The following FGF14 variants were observed in gnomAD, a reference collection of about 807,000 sequenced individuals.
The protein encoded by FGF14 is fibroblast growth factor homologous factor 4.
In FGF14, 5 loss-of-function variants were observed where a neutral mutation model predicts 25.5. The observed-to-expected ratio is 0.20, with a 90% confidence interval of 0.10 to 0.41. The LOEUF (loss-of-function observed/expected upper bound fraction) is 0.41, where lower values mean the gene tolerates loss of function less well. Ranked by LOEUF, FGF14 falls within the 10% of genes least tolerant of loss-of-function variation. FGF14 has a pLI of 1.00. For synonymous variants in FGF14, 138 were observed against 118.3 expected (o/e 1.17, Z -1.08); for missense variants, 222 against 320.1 (o/e 0.69, Z 2.34).
chr13:101,857,065 AT>A (rs1202578343), intron 3 of FGF14, among the ~76,000 whole-genome samples: 1 of 152,016 alleles, frequency 6.6e-6, no homozygotes, highest in Non-Finnish European at 1.5e-5. Flanking sequence ...CACACAGTTA[AT>A]TTATTTCATA....
Position 102,010,744 on chromosome 13 carries a change from C to T in FGF14, c.209-135448G>A, listed in dbSNP as rs566294999. ...AAATGAAGATGATAATAATGCTTTC[C>T]TGCCCAGATTACTGTATTTTAGATA... On this transcript the variant is annotated intron_variant, in intron 1 of 4. Transcript: ENST00000376131. Among the ~76,000 whole-genome samples, 9 of 152,278 alleles carry T rather than the reference C, an allele frequency of 5.9e-5. 1 individual carries two copies. The South Asian group carries it at 1.7e-3, about 28-fold the overall frequency.
intron 1 of FGF14, among the ~76,000 whole-genome samples, chr13:102,260,904 G>A (rs575782577): frequency 9.9e-5 from 15 of 152,246 alleles, no homozygotes; most frequent in Non-Finnish European, 4.4e-5. Context: ...ACTTGCCAGC[G>A]CCTTTCCTAA....
At chr13:101,995,678 T>C (rs1019377378) in intron 1 of FGF14, among the ~76,000 whole-genome samples, 1 of 152,226 alleles carries the variant, frequency 6.6e-6, no homozygotes, top group African/African-American at 2.4e-5. Context: ...GCGAAGCTAC[T>C]GTGCCACAGA....
chr13:101,876,159 T>C (rs1265309211), intron 1 of FGF14, among the ~76,000 whole-genome samples: 1 of 152,178 alleles, frequency 6.6e-6, no homozygotes, highest in Non-Finnish European at 1.5e-5. Context: ...GATGATTCAT[T>C]GAAAAGACAT....
At chr13:101,747,681 G>T (rs1010589246) in intron 3 of FGF14, among the ~76,000 whole-genome samples, 1 of 151,820 alleles carries the variant, frequency 6.6e-6, no homozygotes. Flanking sequence ...TGGCTACAGA[G>T]GGAACAAACC....
At chr13:101,744,191 A>AT (rs1372681510) in intron 3 of FGF14, among the ~76,000 whole-genome samples, 1 of 152,048 alleles carries the variant, frequency 6.6e-6, no homozygotes, top group Non-Finnish European at 1.5e-5. Flanking sequence ...CTTGTGGGTG[A>AT]TTTTTTTATT....
At chr13:101,809,039 G>A (rs553809085) in intron 3 of FGF14, among the ~76,000 whole-genome samples, 7 of 151,990 alleles carry the variant, frequency 4.6e-5, no homozygotes, top group East Asian at 3.9e-4. Flanking sequence ...TCAAATCTCC[G>A]GGAGTTCTTG....
At chr13:102,352,242 TACACACACACAC>T (rs56774921) in intron 1 of FGF14, among the ~76,000 whole-genome samples, 1,589 of 137,348 alleles carry the variant, frequency 0.012, 13 homozygotes, top group African/African-American at 0.024. Flanking sequence ...TGTACCTTTA[TACACACACACAC>T]ACACACACAC....
Position 101,886,495 on chromosome 13 carries a change from C to CA in FGF14, c.194-11200dup, listed in dbSNP as rs146725699. Among the ~76,000 whole-genome samples the CA allele has an allele frequency of 8.3e-3, 1,260 of 152,172 alleles. 15 individuals are homozygous for CA. The highest frequency in any genetic ancestry group is 0.029 in the African/African-American group (1,186 of 41,522). ...GCTAGGAAGACTGGATATCCATATG[C>CA]AAAACCATAGATCCCCATCTCTCAC... On this transcript the variant is annotated intron_variant, in intron 1 of 4. Transcript: ENST00000376143.
chr13:101,850,991 C>T (rs1057104769), intron 3 of FGF14, among the ~76,000 whole-genome samples: 1 of 151,788 alleles, frequency 6.6e-6, no homozygotes, highest in Non-Finnish European at 1.5e-5. Context: ...CTGTGTTTCC[C>T]CAAAAGACAT....
intron 1 of FGF14, among the ~76,000 whole-genome samples, chr13:102,169,477 G>A (rs1279986731): frequency 6.6e-6 from 1 of 152,038 alleles, no homozygotes; most frequent in African/African-American, 2.4e-5. Context: ...AACTCCAGAT[G>A]AGAAGTGATC....
chr13:102,334,841 G>A lies in FGF14; in HGVS notation c.208+66630C>T, dbSNP rs1053416167. Among the ~76,000 whole-genome samples the A allele has an allele frequency of 3.1e-4, 47 of 152,226 alleles. 1 individual carries two copies. Among genetic ancestry groups the A allele is most frequent in the South Asian group, 6.2e-4 (3 of 4,826 alleles). On this transcript the variant is annotated intron_variant, in intron 1 of 4. Transcript: ENST00000376131. Reference sequence around the variant, plus strand: ...TAGATTTTTCAAAATAACCCATTATGATAACAAGAGAACTTCTGGGATCTA... The same window carrying A: ...TAGATTTTTCAAAATAACCCATTATAATAACAAGAGAACTTCTGGGATCTA...
intron 1 of FGF14, among the ~76,000 whole-genome samples, chr13:102,131,823 G>C (rs1200776150): frequency 6.6e-6 from 1 of 151,986 alleles, no homozygotes; most frequent in Non-Finnish European, 1.5e-5. Flanking sequence ...AAACTCACTG[G>C]TAATCACGGA....
At chr13:102,025,028 T>G (rs1459890450) in intron 1 of FGF14, among the ~76,000 whole-genome samples, 1 of 150,910 alleles carries the variant, frequency 6.6e-6, no homozygotes, top group African/African-American at 2.4e-5. Context: ...TATATATATA[T>G]TCATATAATT....
In FGF14 at chr13:101,845,057, A is replaced by G. The variant is rs181415324; in HGVS notation, c.408+23668T>C. ...GGAAGGACTTGTCCTACAAGATACA[A>G]ATCACCATGCCATGCCCTTGTTAGT... On this transcript the variant is annotated intron_variant, in intron 3 of 4. Coordinates refer to ENST00000376143, the MANE Select transcript of FGF14 (RefSeq NM_004115.4). 1.2e-3 allele frequency among the ~76,000 whole-genome samples: 183 copies of G among 152,126 alleles called. 1 individual carries two copies. Among genetic ancestry groups the G allele is most frequent in the African/African-American group, 4.1e-3 (170 of 41,540 alleles).
At chr13:102,290,897 C>G (rs374339550) in intron 1 of FGF14, among the ~76,000 whole-genome samples, 4 of 152,298 alleles carry the variant, frequency 2.6e-5, no homozygotes, top group African/African-American at 9.6e-5. Context: ...CAAAGGATAA[C>G]TCTGTCTTTG....
At chr13:102,009,677 A>G (rs2039981990) in intron 1 of FGF14, among the ~76,000 whole-genome samples, 1 of 152,152 alleles carries the variant, frequency 6.6e-6, no homozygotes, top group Non-Finnish European at 1.5e-5. Flanking sequence ...ATCTTTGAAA[A>G]AAAAACTAGT....
At chr13:102,291,666 A>AT (rs1447007905) in intron 1 of FGF14, among the ~76,000 whole-genome samples, 1 of 152,176 alleles carries the variant, frequency 6.6e-6, no homozygotes, top group African/African-American at 2.4e-5. Context: ...AAACCAAGGA[A>AT]AGAATGTTAA....
At chr13:102,142,666 A>G (rs560349098) in intron 1 of FGF14, among the ~76,000 whole-genome samples, 1 of 152,218 alleles carries the variant, frequency 6.6e-6, no homozygotes, top group Non-Finnish European at 1.5e-5. Flanking sequence ...TGATGAGGAA[A>G]GTGAAAATGC....
Sources: gnomAD v4.1 joint callset for allele counts (sites outside exome capture counted in the v4.1 genomes callset) on GRCh38, gnomAD v4.1.1 for gene constraint, MANE v1.5 for transcripts, NCBI Gene and HGNC (gene_info 2026-07-23, HGNC 2026-07-21) for gene names.